The following FANK1 variants were observed in gnomAD, a reference collection of about 807,000 sequenced individuals.
FANK1 encodes the protein fibronectin type 3 and ankyrin repeat domains protein 1.
A neutral mutation model predicts 45.3 loss-of-function variants in FANK1; 44 were observed. That is an observed-to-expected ratio of 0.97 (90% CI 0.76 to 1.25). The LOEUF is 1.25. Among genes scored for constraint, FANK1 ranks in the 50% most tolerant of loss-of-function variants. FANK1 has a pLI of 0.00. For synonymous variants in FANK1, 149 were observed against 152.5 expected, an observed-to-expected ratio of 0.98 and a Z score of 0.17; for missense variants, 391 against 424.4, an observed-to-expected ratio of 0.92 and a Z score of 0.69.
At chr10:125,970,039 C>T (rs1950398967) in intron 1 of FANK1, among the ~76,000 whole-genome samples, 1 of 152,230 alleles carries the variant, frequency 6.6e-6, no homozygotes, top group African/African-American at 2.4e-5. Flanking sequence ...TACACAGACA[C>T]AGTAACAATC....
intron 3 of FANK1, among the ~76,000 whole-genome samples, chr10:125,991,250 G>GGGGTGTGTGTGTGT (rs138607074): frequency 1.4e-5 from 2 of 145,908 alleles, no homozygotes; most frequent in Non-Finnish European, 3.0e-5. Context: ...GGTGACCAGG[G>GGGGTGTGTGTGTGT]GTGTGTGTGT....
At chr10:125,963,422 T>C (rs564762693) in intron 1 of FANK1, among the ~76,000 whole-genome samples, 6 of 152,228 alleles carry the variant, frequency 3.9e-5, no homozygotes, top group Non-Finnish European at 7.3e-5. Context: ...TTATAAATCA[T>C]GCTGCTATAC....
chr10:125,965,214 A>C (rs1950142293), intron 1 of FANK1, among the ~76,000 whole-genome samples: 1 of 152,204 alleles, frequency 6.6e-6, no homozygotes, highest in Non-Finnish European at 1.5e-5. Context: ...CATCATTGTA[A>C]TTGCATCATT....
chr10:126,002,751 T>C (rs1952863295), intron 6 of FANK1, among the ~76,000 whole-genome samples: 1 of 149,098 alleles, frequency 6.7e-6, no homozygotes. Context: ...CATTTGGCCA[T>C]ATTTGCCTCT....
chr10:126,004,540 G>T (rs1410098893), intron 6 of FANK1: 2 of 215,172 alleles, frequency 9.3e-6, no homozygotes, highest in African/African-American at 2.3e-5. Context: ...CCCTTCAGCC[G>T]CAGGCAACCG....
intron 1 of FANK1, among the ~76,000 whole-genome samples, chr10:125,975,206 A>G (rs550736940): frequency 7.2e-5 from 11 of 152,328 alleles, no homozygotes; most frequent in Non-Finnish European, 1.5e-4. Flanking sequence ...ATAATATTTC[A>G]TAGTGTATAT....
intron 1 of FANK1, among the ~76,000 whole-genome samples, chr10:125,904,462 C>T (rs1945313101): frequency 6.7e-6 from 1 of 149,978 alleles, no homozygotes; most frequent in Non-Finnish European, 1.5e-5. Flanking sequence ...ATCTTAGGGA[C>T]AGGGTCTCAC....
At chr10:125,910,480 G>A (rs1945901503) in intron 1 of FANK1, among the ~76,000 whole-genome samples, 1 of 152,070 alleles carries the variant, frequency 6.6e-6, no homozygotes. Flanking sequence ...ATTAATTTCT[G>A]GTATATCATT....
At chr10:125,914,382 C>G (rs1447199333) in intron 1 of FANK1, among the ~76,000 whole-genome samples, 1 of 151,614 alleles carries the variant, frequency 6.6e-6, no homozygotes, top group Non-Finnish European at 1.5e-5. Context: ...ACCAGCCCTG[C>G]CTGCTCACGC....
Position 126,004,984 on chromosome 10 carries a change from C to G in FANK1, c.640C>G (p.Leu214Val). The change falls in exon 7 of 11, where the codon CTG (leucine) becomes GTG (valine). Residue 214 changes from leucine to valine, a missense_variant. By Grantham distance (32) the Leu-to-Val change is conservative. Transcript: ENST00000368693. ...TAGAGACCTGGGAGGCTGTACAGCT[C>G]TGCACTGGGCTGCAGATGGAGGCCA... Reference protein sequence around the residue: ...QARDLGGCTALHWAADGGHCS... With the variant: ...QARDLGGCTAVHWAADGGHCS... 1 of 1,614,170 alleles carries G rather than the reference C, an allele frequency of 6.2e-7. No individual in the cohort carries two copies. The highest frequency in any genetic ancestry group is 8.5e-7 in the Non-Finnish European group (1 of 1,180,036).
At chr10:125,953,589 C>T (rs1015740751) in intron 1 of FANK1, among the ~76,000 whole-genome samples, 1 of 152,176 alleles carries the variant, frequency 6.6e-6, no homozygotes, top group South Asian at 2.1e-4. Flanking sequence ...CTGGGCCCTA[C>T]AAAGTGAGCA....
chr10:125,924,333 A>T (rs1947172419), intron 1 of FANK1, among the ~76,000 whole-genome samples: 1 of 150,238 alleles, frequency 6.7e-6, no homozygotes, highest in South Asian at 2.1e-4. Flanking sequence ...GGCTCACTGC[A>T]ACCTCCAGCT....
At chr10:125,995,567 TTTCA>T (rs1952268000) in intron 4 of FANK1, 69 bp downstream of exon 4, 1 of 1,430,914 alleles carries the variant, frequency 7.0e-7, no homozygotes, top group African/African-American at 1.4e-5. Context: ...CATGCAGTAG[TTTCA>T]TTTTGTTTTC....
At chr10:125,969,017 A>G (rs1950334694) in intron 1 of FANK1, among the ~76,000 whole-genome samples, 3 of 152,232 alleles carry the variant, frequency 2.0e-5, no homozygotes, top group Admixed American at 2.0e-4. Flanking sequence ...ACTTTCTTAC[A>G]AAAAGCTTTT....
intron 1 of FANK1, among the ~76,000 whole-genome samples, chr10:125,898,318 G>T (rs867477381): frequency 1.3e-5 from 2 of 152,130 alleles, no homozygotes; most frequent in Non-Finnish European, 2.9e-5. Context: ...TTGCAGCTCT[G>T]TTCTAGGGAT....
chr10:125,946,708 C>G (rs1224401013), intron 1 of FANK1, among the ~76,000 whole-genome samples: 1 of 146,552 alleles, frequency 6.8e-6, no homozygotes, highest in East Asian at 2.0e-4. Context: ...AGGAGAACTT[C>G]CCAAATCTAG....
At chr10:125,920,503 A>G (rs4089563) in intron 1 of FANK1, among the ~76,000 whole-genome samples, 116,642 of 152,180 alleles carry the variant, frequency 0.77, 45,087 homozygotes, top group South Asian at 0.8. Flanking sequence ...GTCTTCTGGA[A>G]TACTAGAAAT....
At chr10:125,941,848 C>T (rs376944948) in intron 1 of FANK1, among the ~76,000 whole-genome samples, 33 of 152,268 alleles carry the variant, frequency 2.2e-4, no homozygotes, top group African/African-American at 5.1e-4. Flanking sequence ...CCAAACAATA[C>T]GGAAGAATTC....
At chr10:125,970,434 C>T (rs563520672) in intron 1 of FANK1, among the ~76,000 whole-genome samples, 11 of 152,242 alleles carry the variant, frequency 7.2e-5, no homozygotes, top group South Asian at 4.1e-4. Context: ...GGGTGGTGGC[C>T]GGGCAGAGGC....
Sources: gnomAD v4.1 joint callset for allele counts (sites outside exome capture counted in the v4.1 genomes callset) on GRCh38, gnomAD v4.1.1 for gene constraint, MANE v1.5 for transcripts, NCBI Gene and HGNC (gene_info 2026-07-23, HGNC 2026-07-21) for gene names.